MIGA1: variants seen among roughly 807,000 people sequenced by gnomAD.
MIGA1 encodes the protein mitoguardin 1, also known as family with sequence similarity 73, member A.
Under a neutral mutation model 82.0 loss-of-function variants are expected in MIGA1, and 58 were observed. The observed-to-expected ratio is 0.71, with a 90% confidence interval of 0.57 to 0.88. The LOEUF is 0.88. Among genes scored for constraint, MIGA1 ranks in the 40% least tolerant of loss-of-function variants. The probability of loss-of-function intolerance (pLI) is 0.00; values close to 1 mark genes in which losing one functional copy is unlikely to be tolerated. For synonymous variants in MIGA1, 249 were observed against 253.6 expected, an observed-to-expected ratio of 0.98 and a Z score of 0.17; for missense variants, 751 against 749.1, an observed-to-expected ratio of 1.00 and a Z score of -0.03.
At chr1:77,869,087 C>A (rs1685791160) in intron 14 of MIGA1, among the ~76,000 whole-genome samples, 1 of 151,574 alleles carries the variant, frequency 6.6e-6, no homozygotes, top group African/African-American at 2.4e-5. Context: ...GAGGACCCTG[C>A]AGCCTTCCGC....
chr1:77,784,227 G>T (rs1682048633), intron 2 of MIGA1, among the ~76,000 whole-genome samples: 1 of 151,900 alleles, frequency 6.6e-6, no homozygotes. Context: ...ATTTATTTAT[G>T]TATTTATTTA....
At chr1:77,848,920 T>G in intron 8 of MIGA1, 1 of 502,012 alleles carries the variant, frequency 2.0e-6, no homozygotes, top group Non-Finnish European at 3.3e-6. Flanking sequence ...TAAAATTTAT[T>G]TTCAAAATTT....
chr1:77,863,896 G>GA lies in MIGA1; in HGVS notation c.1382dup (p.Asn461LysfsTer6), dbSNP rs1557935500. 64 of 1,549,720 alleles carry GA rather than the reference G, an allele frequency of 4.1e-5. No individual in the cohort carries two copies. The highest frequency in any genetic ancestry group is 5.6e-5 in the Non-Finnish European group (64 of 1,146,096). On this transcript the variant is annotated frameshift_variant, in exon 13 of 16. Coordinates refer to ENST00000370791, the MANE Select transcript of MIGA1 (RefSeq NM_198549.4). LOFTEE classifies it high-confidence loss of function. ...TTTCAACTCATAATTTAATGCAGGT[G>GA]AAAAATCTAAATTTTTATGATGTTG...
intron 5 of MIGA1, among the ~76,000 whole-genome samples, chr1:77,812,046 G>T (rs1482472063): frequency 1.3e-5 from 2 of 152,226 alleles, no homozygotes; most frequent in Admixed American, 6.5e-5. Flanking sequence ...AGGTGTGGTG[G>T]CTCACACCTG....
chr1:77,794,267 A>G (rs1047152321), intron 2 of MIGA1, among the ~76,000 whole-genome samples: 6 of 152,112 alleles, frequency 3.9e-5, no homozygotes, highest in African/African-American at 1.2e-4. Context: ...TCTTAACTAC[A>G]CTATAGACTT....
At chr1:77,817,413 A>T (rs1261976161) in intron 7 of MIGA1, among the ~76,000 whole-genome samples, 1 of 152,136 alleles carries the variant, frequency 6.6e-6, no homozygotes, top group African/African-American at 2.4e-5. Context: ...CCATGCACTT[A>T]GTTAGCTTAG....
intron 2 of MIGA1, among the ~76,000 whole-genome samples, chr1:77,785,016 G>C (rs182342174): frequency 6.6e-6 from 1 of 152,218 alleles, no homozygotes; most frequent in Admixed American, 6.5e-5. Context: ...TTTGGGTGGG[G>C]ACACAGCCAA....
rs544528958 is a variant in MIGA1 at position 77,874,029 on chromosome 1, C to G, written c.1681-817C>G. Among the ~76,000 whole-genome samples, 4 of 152,192 alleles carry G rather than the reference C, an allele frequency of 2.6e-5. No individual in the cohort carries two copies. The South Asian group carries it at 8.3e-4, about 32-fold the overall frequency. ...AAACGAGGGAGCCTAACAGGTTGAT[C>G]GCTAATGACCCTTTCAGATATAAAA... On this transcript the variant is annotated intron_variant, in intron 15 of 15. Coordinates refer to ENST00000370791, the MANE Select transcript of MIGA1 (RefSeq NM_198549.4).
intron 7 of MIGA1, among the ~76,000 whole-genome samples, chr1:77,836,693 G>C (rs1213366885): frequency 6.6e-6 from 1 of 152,200 alleles, no homozygotes; most frequent in Non-Finnish European, 1.5e-5. Context: ...TTAGGATCAG[G>C]ATCCAGGTGC....
At chr1:77,807,202 C>A in intron 5 of MIGA1, 101 bp downstream of exon 5, 1 of 936,946 alleles carries the variant, frequency 1.1e-6, no homozygotes, top group Non-Finnish European at 1.6e-6. Context: ...CACTCTGTCA[C>A]CCAGGCTGGA....
chr1:77,872,230 A>G (rs1426130469), intron 14 of MIGA1, among the ~76,000 whole-genome samples: 4 of 151,998 alleles, frequency 2.6e-5, no homozygotes, highest in Non-Finnish European at 5.9e-5. Flanking sequence ...TGGCCTCCCA[A>G]AAGTGTTGGG....
rs1646901149 is a variant in MIGA1, at chr1:77,877,246, T to C, written c.*2182T>C. On this transcript the variant is annotated 3_prime_UTR_variant, in exon 16 of 16. Coordinates refer to ENST00000370791, the MANE Select transcript of MIGA1 (RefSeq NM_198549.4). ...GAAAAGCATAATCTTTTAAGATTTG[T>C]AATTTTCTGTATGTGCCACATTTAT... 6.6e-6 allele frequency: 1 copy of C among 152,244 alleles called. No individual in the cohort carries two copies. 9.4% of individuals were successfully genotyped at this position (152,244 alleles called of 1,614,324 possible). A position where few individuals can be genotyped will look rare whatever the true frequency, so the allele number is the denominator to read the frequency against.
chr1:77,844,111 A>ATATAT (rs1333128709), intron 8 of MIGA1, among the ~76,000 whole-genome samples: 7 of 53,794 alleles, frequency 1.3e-4, no homozygotes, highest in African/African-American at 3.8e-4. Context: ...AAAAAAAAAA[A>ATATAT]AAATATATAT....
chr1:77,823,828 T>C (rs199594029), intron 7 of MIGA1, among the ~76,000 whole-genome samples: 1 of 152,226 alleles, frequency 6.6e-6, no homozygotes, highest in African/African-American at 2.4e-5. Context: ...GTTTCAAAGC[T>C]GGTGGGCCTG....
At position 77,859,342 on chromosome 1, in the gene MIGA1, A is replaced by C. The variant is rs1316556572; in HGVS notation, c.1144A>C (p.Ser382Arg). ...TGAAATGTTGGAGTGCCTAGGAGAC[A>C]GTGATTTTCTTGCCAAACTTCACTG... The change falls in exon 10 of 16, where the codon AGT becomes CGT. Residue 382 changes from serine to arginine, a missense_variant. Physicochemically the swap from Ser to Arg is moderately radical, Grantham distance 110. Around this residue, in one of 3 missense-constraint regions of MIGA1, gnomAD observed 4 missense variants for 16.0 expected, o/e 0.25. Transcript: ENST00000370791. 2 of 1,613,636 alleles carry C rather than the reference A, an allele frequency of 1.2e-6. No individual in the cohort carries two copies. The highest frequency in any genetic ancestry group is 1.7e-6 in the Non-Finnish European group (2 of 1,179,666).
intron 7 of MIGA1, among the ~76,000 whole-genome samples, chr1:77,825,944 G>A (rs971216668): frequency 2.6e-5 from 4 of 152,114 alleles, no homozygotes; most frequent in Non-Finnish European, 5.9e-5. Context: ...TTTTTCATCT[G>A]TAATGTGTAG....
intron 7 of MIGA1, among the ~76,000 whole-genome samples, chr1:77,824,074 A>G (rs550180920): frequency 1.9e-4 from 29 of 152,336 alleles, no homozygotes; most frequent in Admixed American, 1.5e-3. Context: ...TAAATACTGA[A>G]AAGAAGATCT....
intron 7 of MIGA1, among the ~76,000 whole-genome samples, chr1:77,827,792 A>G (rs983818398): frequency 6.6e-6 from 1 of 152,202 alleles, no homozygotes; most frequent in Admixed American, 6.5e-5. Context: ...TACTCTTCCC[A>G]TGGGGAGGAG....
At chr1:77,817,336 A>C (rs1422808828) in intron 7 of MIGA1, among the ~76,000 whole-genome samples, 1 of 152,122 alleles carries the variant, frequency 6.6e-6, no homozygotes, top group Non-Finnish European at 1.5e-5. Flanking sequence ...GGGGTCTTCA[A>C]GTTGTTTCTG....
Sources: gnomAD v4.1 joint callset for allele counts (sites outside exome capture counted in the v4.1 genomes callset) on GRCh38, gnomAD v4.1.1 for gene constraint, gnomAD v4.1.1 regional missense constraint, MANE v1.5 for transcripts, NCBI Gene and HGNC (gene_info 2026-07-23, HGNC 2026-07-21) for gene names.